The following CSMD3 variants were observed in gnomAD, a reference collection of about 807,000 sequenced individuals.
CSMD3 encodes CUB and sushi domain-containing protein 3.
A neutral mutation model predicts 435.2 loss-of-function variants in CSMD3; 177 were observed. The observed-to-expected ratio is 0.41, with a 90% CI of 0.36 to 0.46. The LOEUF (loss-of-function observed/expected upper bound fraction) is 0.46. CSMD3 is among the 20% of genes least tolerant of loss of function. CSMD3 has a pLI of 0.34. For synonymous variants in CSMD3, 1,656 were observed against 1,520.5 expected (o/e 1.09, Z -2.07); for missense variants, 4,265 against 4,504.6 (o/e 0.95, Z 1.52).
At chr8:112,351,455 G>A (rs1826127808) in intron 39 of CSMD3, among the ~76,000 whole-genome samples, 1 of 151,772 alleles carries the variant, frequency 6.6e-6, no homozygotes, top group African/African-American at 2.4e-5. Flanking sequence ...ACATGATAGT[G>A]GTAGAAAAAA....
At chr8:113,039,216 T>A (rs2131277661) in intron 5 of CSMD3, among the ~76,000 whole-genome samples, 1 of 152,266 alleles carries the variant, frequency 6.6e-6, no homozygotes, top group Non-Finnish European at 1.5e-5. Context: ...TATTTGCATT[T>A]TTTCCTACCA....
chr8:113,198,614 C>T (rs1201135505), intron 3 of CSMD3, among the ~76,000 whole-genome samples: 3 of 150,890 alleles, frequency 2.0e-5, no homozygotes, highest in African/African-American at 4.9e-5. Flanking sequence ...AAAAGAAGTC[C>T]ATAATTACAT....
In CSMD3 at chr8:113,285,796, T is replaced by G. The variant is rs187852848; in HGVS notation, c.402-7092A>C. 2.0e-3 allele frequency among the ~76,000 whole-genome samples: 309 copies of G among 152,350 alleles called. 4 individuals carry two copies. Among genetic ancestry groups the G allele is most frequent in the Non-Finnish European group, 2.6e-4 (18 of 68,030 alleles). On this transcript the variant is annotated intron_variant, in intron 2 of 70. Coordinates refer to ENST00000297405, the MANE Select transcript of CSMD3 (RefSeq NM_198123.2). ...TTTTGTCACATCTTGACAATAACTA[T>G]GTTCTCTCACCCTAAATTTGTCTTT...
intron 50 of CSMD3, 193 bp downstream of exon 50, chr8:112,310,785 A>G: frequency 1.5e-6 from 1 of 678,902 alleles, no homozygotes; most frequent in Non-Finnish European, 2.7e-6. Context: ...AATAATGAAT[A>G]ATTATAAAAC....
intron 32 of CSMD3, among the ~76,000 whole-genome samples, chr8:112,433,805 G>T (rs1472952229): frequency 6.6e-6 from 1 of 151,768 alleles, no homozygotes; most frequent in African/African-American, 2.4e-5. Flanking sequence ...ATTAACTTTT[G>T]TATTTAGTGA....
At chr8:112,932,482 A>G (rs2083141931) in intron 9 of CSMD3, among the ~76,000 whole-genome samples, 1 of 152,260 alleles carries the variant, frequency 6.6e-6, no homozygotes, top group Admixed American at 6.5e-5. Context: ...TCCTGACCTC[A>G]TGATCCGCCT....
chr8:112,444,227 G>A (rs1815354587), intron 32 of CSMD3, among the ~76,000 whole-genome samples: 1 of 152,202 alleles, frequency 6.6e-6, no homozygotes, highest in Admixed American at 6.5e-5. Context: ...TAATGAGCAT[G>A]TGGAGCAAAT....
intron 61 of CSMD3, among the ~76,000 whole-genome samples, chr8:112,258,981 G>A: frequency 6.6e-6 from 1 of 152,086 alleles, no homozygotes; most frequent in East Asian, 1.9e-4. Context: ...GGAGCTTGCA[G>A]TGAGCCGAGA....
At chr8:113,292,210 G>A (rs2093691093) in intron 2 of CSMD3, among the ~76,000 whole-genome samples, 2 of 151,368 alleles carry the variant, frequency 1.3e-5, no homozygotes, top group Admixed American at 1.3e-4. Flanking sequence ...ATTCTTACAT[G>A]GTGTGTAGTT....
At chr8:113,035,619 A>G (rs377698287) in intron 5 of CSMD3, among the ~76,000 whole-genome samples, 1 of 152,034 alleles carries the variant, frequency 6.6e-6, no homozygotes, top group African/African-American at 2.4e-5. Context: ...ATGCATAAGA[A>G]TGAAATTTAC....
chr8:113,276,273 T>A (rs541871708), intron 3 of CSMD3, among the ~76,000 whole-genome samples: 2 of 152,208 alleles, frequency 1.3e-5, no homozygotes, highest in Admixed American at 1.3e-4. Context: ...TAGCATTCAT[T>A]AGCCAGATGG....
intron 3 of CSMD3, among the ~76,000 whole-genome samples, chr8:113,187,576 C>G (rs1239159026): frequency 6.6e-6 from 1 of 151,938 alleles, no homozygotes; most frequent in Non-Finnish European, 1.5e-5. Flanking sequence ...TTTCGTGTTT[C>G]ATTTTTATAT....
intron 16 of CSMD3, among the ~76,000 whole-genome samples, chr8:112,679,299 G>A (rs1349082160): frequency 6.6e-6 from 1 of 152,086 alleles, no homozygotes; most frequent in Non-Finnish European, 1.5e-5. Flanking sequence ...GCTCAGAGGT[G>A]GTTTGGGATA....
At chr8:112,297,071 A>G (rs896724924) in intron 53 of CSMD3, among the ~76,000 whole-genome samples, 8 of 151,360 alleles carry the variant, frequency 5.3e-5, no homozygotes, top group Non-Finnish European at 8.8e-5. Context: ...GTTTTTATCT[A>G]TTAAAATATG....
chr8:113,245,077 GT>G (rs2093261736), intron 3 of CSMD3, among the ~76,000 whole-genome samples: 1 of 152,026 alleles, frequency 6.6e-6, no homozygotes, highest in African/African-American at 2.4e-5. Context: ...AGCTTATTAA[GT>G]CTAATATTAG....
chr8:113,366,007 T>G (rs2133022758), intron 1 of CSMD3, among the ~76,000 whole-genome samples: 1 of 152,142 alleles, frequency 6.6e-6, no homozygotes, highest in African/African-American at 2.4e-5. Flanking sequence ...AAGAATACTT[T>G]TATTCACATG....
At chr8:112,363,181 G>T (rs1183826404) in intron 38 of CSMD3, among the ~76,000 whole-genome samples, 3 of 151,924 alleles carry the variant, frequency 2.0e-5, no homozygotes, top group African/African-American at 7.2e-5. Context: ...AAAATGGGAT[G>T]AGTAAATAGT....
rs1215119686 is a variant in CSMD3, at chr8:112,311,139, G to A, written c.7724C>T (p.Pro2575Leu). The change falls in exon 50 of 71, where the codon CCA becomes CTA. Residue 2575 changes from proline (P) to leucine (L), a missense_variant. Coordinates refer to ENST00000297405, the MANE Select transcript of CSMD3 (RefSeq NM_198123.2). ...IAFYCSTPESPPHGYIISQTG... is the reference protein window; with the variant it reads ...IAFYCSTPESLPHGYIISQTG... ...CTGACTGATAATATATCCATGAGGTGGGGATTCTGGTGTACTACAGTAGAA... is the reference window on the plus strand; with the variant it reads ...CTGACTGATAATATATCCATGAGGTAGGGATTCTGGTGTACTACAGTAGAA... 2.1e-5 allele frequency: 34 copies of A among 1,613,870 alleles called. No homozygotes were observed. The highest frequency in any genetic ancestry group is 2.8e-5 in the Non-Finnish European group (33 of 1,179,882).
intron 22 of CSMD3, among the ~76,000 whole-genome samples, chr8:112,614,159 G>C (rs572032046): frequency 3.9e-5 from 6 of 152,176 alleles, no homozygotes; most frequent in Admixed American, 2.6e-4. Flanking sequence ...CAGGCAGAGG[G>C]AATAGCAAAT....
Sources: allele counts gnomAD v4.1 joint callset (sites outside exome capture counted in the v4.1 genomes callset), GRCh38; gene constraint gnomAD v4.1.1; transcripts MANE v1.5; gene names NCBI Gene and HGNC (gene_info 2026-07-23, HGNC 2026-07-21).